Variants in SFXN4 observed in about 807,000 individuals in gnomAD.
SFXN4 encodes sideroflexin 4, also known as sideroflexin-4.
In SFXN4, 48 loss-of-function variants were observed where a neutral mutation model predicts 54.6. The observed-to-expected ratio is 0.88, with a 90% CI of 0.70 to 1.12. SFXN4 has a LOEUF of 1.12. SFXN4 is among the 50% of genes most tolerant of loss of function. The pLI is 0.00. For synonymous variants in SFXN4, 130 were observed against 145.5 expected, an observed-to-expected ratio of 0.89 and a Z score of 0.77; for missense variants, 383 against 409.2, an observed-to-expected ratio of 0.94 and a Z score of 0.55.
intron 4 of SFXN4, 22 bp from the exon 5 acceptor site, chr10:119,160,991 G>GT (rs1421492153): frequency 1.9e-6 from 3 of 1,614,142 alleles, no homozygotes; most frequent in African/African-American, 1.3e-5. Flanking sequence ...GAGATGCAAG[G>GT]TTAGCTGGAT....
chr10:119,157,095 C>A (rs778467250), intron 9 of SFXN4, among the ~76,000 whole-genome samples: 2 of 152,146 alleles, frequency 1.3e-5, no homozygotes, highest in African/African-American at 2.4e-5. Flanking sequence ...AATTATATAA[C>A]ATATTTATAA....
At chr10:119,147,649 G>T in intron 12 of SFXN4, 126 bp downstream of exon 12, 1 of 721,850 alleles carries the variant, frequency 1.4e-6, no homozygotes. Context: ...TCTTAGCTGT[G>T]ATGTGTGTTT....
Position 119,141,300 on chromosome 10 carries a change from T to G in SFXN4, c.956A>C (p.Glu319Ala), listed in dbSNP as rs752448687. The change falls in exon 14 of 14, where the codon GAA becomes GCA. Residue 319 changes from glutamate (E) to alanine (A), a missense_variant. Transcript: ENST00000355697. Reference protein sequence around the residue: ...QIGQIQYCSLEEKIQSPTEET... With the variant: ...QIGQIQYCSLAEKIQSPTEET... ...TTCTGTTGGAGACTGAATTTTCTCT[T>G]CAAGACTACAGTACTGTATCTGAAA... The G allele has an allele frequency of 6.2e-7, 1 of 1,605,656 alleles. No individual in the cohort carries two copies. Among genetic ancestry groups the G allele is most frequent in the Non-Finnish European group, 8.5e-7 (1 of 1,172,390 alleles).
At chr10:119,152,538 GGTTT>G (rs1847115735) in intron 11 of SFXN4, among the ~76,000 whole-genome samples, 1 of 152,004 alleles carries the variant, frequency 6.6e-6, no homozygotes, top group Non-Finnish European at 1.5e-5. Context: ...ACTTACGGGT[GGTTT>G]GTTAGGCCCA....
At chr10:119,165,154 G>A (rs1847717958) in intron 1 of SFXN4, 8 of 1,001,068 alleles carry the variant, frequency 8.0e-6, no homozygotes, top group Non-Finnish European at 8.4e-6. Flanking sequence ...CTGCCCAAGG[G>A]TGGCTTCCCA....
At chr10:119,142,906 G>A (rs1235361723) in intron 13 of SFXN4, among the ~76,000 whole-genome samples, 1 of 150,806 alleles carries the variant, frequency 6.6e-6, no homozygotes, top group East Asian at 2.0e-4. Flanking sequence ...TAATTTTTTT[G>A]TATTTTTAGT....
chr10:119,164,513 C>T (rs766936055), intron 1 of SFXN4, among the ~76,000 whole-genome samples: 1 of 152,100 alleles, frequency 6.6e-6, no homozygotes, highest in Non-Finnish European at 1.5e-5. Flanking sequence ...AATGGTCTTA[C>T]GTTCATATCT....
intron 2 of SFXN4, among the ~76,000 whole-genome samples, chr10:119,163,864 AC>A (rs112288726): frequency 1.1e-4 from 17 of 149,744 alleles, no homozygotes; most frequent in African/African-American, 2.9e-4. Flanking sequence ...ACATGGAGAA[AC>A]CCCCGTCTCT....
chr10:119,161,442 A>C (rs1353752615), intron 3 of SFXN4, among the ~76,000 whole-genome samples: 4 of 151,836 alleles, frequency 2.6e-5, no homozygotes, highest in Admixed American at 6.6e-5. Flanking sequence ...AAAAACAAAA[A>C]AAAAAAAAAA....
At chr10:119,165,290 C>T (rs1340894451) in intron 1 of SFXN4, 1 of 1,230,612 alleles carries the variant, frequency 8.1e-7, no homozygotes, top group African/African-American at 1.6e-5. Flanking sequence ...CTGGGCCCCT[C>T]CGAGAGGGCA....
chr10:119,165,532 C>G lies in SFXN4; in HGVS notation c.111+5G>C. On this transcript the variant is annotated splice_donor_5th_base_variant and intron_variant, in intron 1 of 13. Coordinates refer to ENST00000355697, the MANE Select transcript of SFXN4 (RefSeq NM_213649.2). ...GCCCCTAGTCGCGCCGGGCCCGGGC[C>G]GTACTTGGCGCTCGGTGATCCAGAA... 1.3e-6 allele frequency: 2 copies of G among 1,579,062 alleles called. No homozygotes were observed. Among genetic ancestry groups the G allele is most frequent in the Admixed American group, 1.8e-5 (1 of 57,086 alleles).
chr10:119,144,382 G>C (rs1050149491), intron 13 of SFXN4, among the ~76,000 whole-genome samples: 6 of 152,040 alleles, frequency 3.9e-5, no homozygotes, highest in Non-Finnish European at 5.9e-5. Flanking sequence ...GCATGAACCC[G>C]AGAGGTGGAG....
At position 119,165,615 on chromosome 10, in the gene SFXN4, AG is replaced by A. The variant is rs754192985; in HGVS notation, c.32del (p.Pro11LeufsTer5). The A allele has an allele frequency of 5.3e-5, 84 of 1,592,764 alleles. No homozygotes were observed. Among genetic ancestry groups the A allele is most frequent in the Non-Finnish European group, 2.0e-5 (24 of 1,171,598 alleles). ...CGTCTCTGCGTCCTAGGAGCCGCCC[AG>A]GTTGCGTTTCCTCCTCCTGTTCCAG... The part of the protein sequence containing the change: MSLEQEEETQ[P>X]GRLLGRRDAV... On this transcript the variant is annotated frameshift_variant, in exon 1 of 14. Transcript: ENST00000355697. LOFTEE classifies it high-confidence loss of function.
chr10:119,145,149 T>C (rs1223125860), intron 13 of SFXN4, among the ~76,000 whole-genome samples: 1 of 152,044 alleles, frequency 6.6e-6, no homozygotes, highest in Non-Finnish European at 1.5e-5. Context: ...GGTCCACTTA[T>C]ATACTGTTTC....
At chr10:119,149,865 C>T (rs1351195602) in intron 11 of SFXN4, among the ~76,000 whole-genome samples, 5 of 152,220 alleles carry the variant, frequency 3.3e-5, no homozygotes, top group East Asian at 1.9e-4. Context: ...GGGCGAGGCC[C>T]GCCTCTCTCC....
At chr10:119,162,020 G>T in intron 3 of SFXN4, 1 of 380,074 alleles carries the variant, frequency 2.6e-6, no homozygotes, top group Non-Finnish European at 4.7e-6. Flanking sequence ...TGAATTCTGG[G>T]GTTTGCCACT....
At chr10:119,147,057 A>C (rs1482317031) in intron 12 of SFXN4, among the ~76,000 whole-genome samples, 13 of 152,150 alleles carry the variant, frequency 8.5e-5, no homozygotes, top group Admixed American at 8.5e-4. Context: ...TCCACCTCTG[A>C]TCAGGAGGCT....
At chr10:119,147,293 C>T (rs1589626941) in intron 12 of SFXN4, among the ~76,000 whole-genome samples, 1 of 152,252 alleles carries the variant, frequency 6.6e-6, no homozygotes, top group African/African-American at 2.4e-5. Context: ...GTTTCTCATA[C>T]TGGTGGCCAC....
chr10:119,156,910 G>T (rs1847299940), intron 9 of SFXN4, among the ~76,000 whole-genome samples, 154 bp from the exon 10 acceptor site: 1 of 152,134 alleles, frequency 6.6e-6, no homozygotes, highest in Admixed American at 6.6e-5. Flanking sequence ...GCAACGTGGA[G>T]GTCCTCTCCC....
Sources: gnomAD v4.1 joint callset for allele counts (sites outside exome capture counted in the v4.1 genomes callset) on GRCh38, gnomAD v4.1.1 for gene constraint, MANE v1.5 for transcripts, NCBI Gene and HGNC (gene_info 2026-07-23, HGNC 2026-07-21) for gene names.